Variants in RPS6KA1 observed in about 807,000 individuals in gnomAD.
RPS6KA1 encodes the protein ribosomal protein S6 kinase A1.
In RPS6KA1, 48 loss-of-function variants were observed where a neutral mutation model predicts 91.3. The observed-to-expected ratio is 0.53, with a 90% CI of 0.42 to 0.67. The LOEUF is 0.67. RPS6KA1 is among the 30% of genes least tolerant of loss of function. RPS6KA1 has a pLI of 0.00. For missense variants in RPS6KA1, 719 were observed against 960.5 expected (o/e 0.75, Z 3.32); for synonymous variants, 359 against 384.7 (o/e 0.93, Z 0.78).
rs748222132 is a variant in RPS6KA1, at chr1:26,547,206, A to G, written c.243A>G (p.Lys81=). ...CTTCTCAGGTCTTCCTGGTGCGGAAAGTCACCCGGCCTGACAGTGGGCACC... is the reference window on the plus strand; with the variant it reads ...CTTCTCAGGTCTTCCTGGTGCGGAAGGTCACCCGGCCTGACAGTGGGCACC... ...GSFGKVFLVR[K]VTRPDSGHLY... Residue 81 remains lysine (K), a synonymous_variant, in exon 4 of 22, where the codon AAA becomes AAG. Coordinates refer to ENST00000374168, the MANE Select transcript of RPS6KA1 (RefSeq NM_002953.4). The surrounding 1 kb of genome is among the most constrained non-coding windows in gnomAD (Gnocchi z 4.1). 2 of 1,614,052 alleles carry G rather than the reference A, an allele frequency of 1.2e-6. No homozygotes were observed. The highest frequency in any genetic ancestry group is 2.2e-5 in the South Asian group (2 of 91,084).
chr1:26,534,145 G>A (rs990660796), intron 1 of RPS6KA1, among the ~76,000 whole-genome samples: 2 of 152,180 alleles, frequency 1.3e-5, no homozygotes, highest in Admixed American at 6.5e-5. Flanking sequence ...CGTGACTTTG[G>A]GTTATGGTCA....
chr1:26,571,599 G>A lies in RPS6KA1; in HGVS notation c.1741G>A (p.Val581Met), dbSNP rs1241510409. 2 of 1,613,956 alleles carry A rather than the reference G, an allele frequency of 1.2e-6. No individual in the cohort carries two copies. The highest frequency in any genetic ancestry group is 1.7e-6 in the Non-Finnish European group (2 of 1,180,014). ...GACACCTTGCTACACAGCCAACTTT[G>A]TGGCGCCTGAGGTGAGTGGCCCAGC... ...LMTPCYTANFVAPEVLKRQGY... is the reference protein window; with the variant it reads ...LMTPCYTANFMAPEVLKRQGY... Residue 581 changes from valine (V) to methionine (M), a missense_variant, in exon 18 of 22, where the codon GTG (valine) becomes ATG (methionine). By Grantham distance (21) the Val-to-Met change is conservative (BLOSUM62 1). Around this residue, in one of 5 missense-constraint regions of RPS6KA1, gnomAD observed 249 missense variants for 323.1 expected, o/e 0.77. Coordinates refer to ENST00000374168, the MANE Select transcript of RPS6KA1 (RefSeq NM_002953.4). This position sits in a 1 kb window ranked among gnomAD's most constrained non-coding sequence, Gnocchi z 5.1.
chr1:26,537,000 GGGCTGTGGGGGATCCTGTTTGCAT>G, intron 2 of RPS6KA1, 31 bp downstream of exon 2: 4 of 1,612,574 alleles, frequency 2.5e-6, no homozygotes, highest in Non-Finnish European at 3.4e-6. Flanking sequence ...CCTGAGCGAG[GGGCTGTGGGGGATCCTGTTTGCAT>G]GGCTTTGGAG....
rs2075855453 is a variant in RPS6KA1 at position 26,529,934 on chromosome 1, A to C, written c.14A>C (p.Gln5Pro). 7.0e-7 allele frequency: 1 copy of C among 1,431,546 alleles called. No homozygotes were observed. Among genetic ancestry groups the C allele is most frequent in the South Asian group, 1.3e-5 (1 of 75,726 alleles). 88.7% of individuals were successfully genotyped at this position (1,431,546 alleles called of 1,614,324 possible). MPLAQLKEPWPLMEL... is the reference protein window; with the variant it reads MPLAPLKEPWPLMEL... ...GGCGGCGGCGAGATGCCGCTCGCCC[A>C]GCTCAAGGAGCCCTGGCCGCTCATG... Residue 5 changes from glutamine (Q) to proline (P), a missense_variant, in exon 1 of 22, where the codon CAG becomes CCG. Physicochemically the swap from Gln to Pro is moderately conservative, Grantham distance 76. This residue lies in a region of RPS6KA1 where 57 missense variants were observed against 55.8 expected (regional missense o/e 1.02). Coordinates refer to ENST00000374168, the MANE Select transcript of RPS6KA1 (RefSeq NM_002953.4). This position sits in a 1 kb window ranked among gnomAD's most constrained non-coding sequence, Gnocchi z 4.2.
At chr1:26,563,378 C>G (rs895789708) in intron 17 of RPS6KA1, among the ~76,000 whole-genome samples, 1 of 151,926 alleles carries the variant, frequency 6.6e-6, no homozygotes, top group Non-Finnish European at 1.5e-5. Flanking sequence ...CAGGCACGCA[C>G]CACCACACCT....
In RPS6KA1 at chr1:26,551,761, A is replaced by T. The variant is rs533133352; in HGVS notation, c.468+38A>T. ...CTACTGCCAGAGGGCCCCGGGATGG[A>T]GCTGAGGGACGACAAGTCCTCCCAT... On this transcript the variant is annotated intron_variant, in intron 6 of 21. Coordinates refer to ENST00000374168, the MANE Select transcript of RPS6KA1 (RefSeq NM_002953.4). The surrounding 1 kb of genome is among the most constrained non-coding windows in gnomAD (Gnocchi z 4.5). The T allele has an allele frequency of 3.1e-4, 485 of 1,561,586 alleles. 8 individuals are homozygous for T. The South Asian group carries it at 5.0e-3, about 16-fold the overall frequency.
chr1:26,548,102 T>A (rs2076011679), intron 4 of RPS6KA1, among the ~76,000 whole-genome samples: 3 of 152,006 alleles, frequency 2.0e-5, no homozygotes, highest in African/African-American at 4.8e-5. Flanking sequence ...GTAGGAGGCG[T>A]CAGCCTTAAG....
chr1:26,530,768 G>A, intron 1 of RPS6KA1: 1 of 1,287,874 alleles, frequency 7.8e-7, no homozygotes, highest in South Asian at 1.2e-5. Flanking sequence ...CCTCCCTTGA[G>A]GGCTCTGTGG....
intron 17 of RPS6KA1, among the ~76,000 whole-genome samples, chr1:26,570,585 C>G (rs1474616105): frequency 1.3e-5 from 2 of 152,138 alleles, no homozygotes; most frequent in African/African-American, 4.8e-5. Context: ...AAACAGGGCC[C>G]AGAGGAAAGC....
At chr1:26,560,955 T>A in intron 15 of RPS6KA1, 90 bp from the exon 16 acceptor site, 2 of 1,601,516 alleles carry the variant, frequency 1.2e-6, no homozygotes, top group Non-Finnish European at 1.7e-6. Context: ...ATGAAAGGTG[T>A]GTGGCCGAGA....
rs370896469 is a variant in RPS6KA1, at chr1:26,554,265, G to A, written c.613+14G>A. On this transcript the variant is annotated intron_variant, in intron 8 of 21. Transcript: ENST00000374168. This position sits in a 1 kb window ranked among gnomAD's most constrained non-coding sequence, Gnocchi z 4.6. ...TCAAACTCACTGGTGAGTGGAGGGCGCCTGCCCCCTCGGGACCCAGGGGAG... is the reference window on the plus strand; with the variant it reads ...TCAAACTCACTGGTGAGTGGAGGGCACCTGCCCCCTCGGGACCCAGGGGAG... 5.1e-6 allele frequency: 8 copies of A among 1,556,374 alleles called. No individual in the cohort carries two copies. Among genetic ancestry groups the A allele is most frequent in the Admixed American group, 3.9e-5 (2 of 51,344 alleles).
chr1:26,547,327 G>T lies in RPS6KA1; in HGVS notation c.307+57G>T. On this transcript the variant is annotated intron_variant, in intron 4 of 21. Coordinates refer to ENST00000374168, the MANE Select transcript of RPS6KA1 (RefSeq NM_002953.4). The surrounding 1 kb of genome is among the most constrained non-coding windows in gnomAD (Gnocchi z 4.1). ...AGGCTTGGCTGAGGGAGGCAGCCCA[G>T]ACTTCAAGGGCCTTGGGTCTGGCAA... 6.9e-7 allele frequency: 1 copy of T among 1,446,576 alleles called. No homozygotes were observed. Among genetic ancestry groups the T allele is most frequent in the South Asian group, 1.2e-5 (1 of 85,014 alleles). The allele number at this position is 1,446,576 out of a possible 1,614,324, so 89.6% of individuals were successfully genotyped here. A position where few individuals can be genotyped will look rare whatever the true frequency, so the allele number is the denominator to read the frequency against.
rs1570420035 is a variant in RPS6KA1 at position 26,536,784 on chromosome 1, G to A, written c.64-141G>A. On this transcript the variant is annotated intron_variant, in intron 1 of 21. Coordinates refer to ENST00000374168, the MANE Select transcript of RPS6KA1 (RefSeq NM_002953.4). ...CTACACCATGAAAGTGGAGGTGGAG[G>A]GACCCACCCAGGACTCCTGCCCTAC... 6.0e-6 allele frequency: 5 copies of A among 840,006 alleles called. No homozygotes were observed. The East Asian group carries it at 1.2e-4, about 21-fold the overall frequency. The allele number at this position is 840,006 out of a possible 1,614,324, so 52.0% of individuals were successfully genotyped here.
chr1:26,529,900 G>T lies in RPS6KA1; in HGVS notation c.-21G>T. ...GCAGCCGGGGCCGCCGGAGGAGCGC[G>T]GGTGACCTGGCGGCGGCGAGATGCC... On this transcript the variant is annotated 5_prime_UTR_variant, in exon 1 of 22. Transcript: ENST00000374168. This position sits in a 1 kb window ranked among gnomAD's most constrained non-coding sequence, Gnocchi z 4.2. 4 of 1,420,166 alleles carry T rather than the reference G, an allele frequency of 2.8e-6. No individual in the cohort carries two copies. The South Asian group carries it at 4.0e-5, about 14-fold the overall frequency. 88.0% of individuals were successfully genotyped at this position (1,420,166 alleles called of 1,614,324 possible).
chr1:26,571,697 C>A lies in RPS6KA1; in HGVS notation c.1752+87C>A. ...CCCAGAGGCCCCACATTAGCCGGGA[C>A]TCCAGTCTCTGTGACCTTGGCCCAG... On this transcript the variant is annotated intron_variant, in intron 18 of 21. Transcript: ENST00000374168. This position sits in a 1 kb window ranked among gnomAD's most constrained non-coding sequence, Gnocchi z 5.1. 6.6e-7 allele frequency: 1 copy of A among 1,525,956 alleles called. No homozygotes were observed. The highest frequency in any genetic ancestry group is 8.9e-7 in the Non-Finnish European group (1 of 1,124,908). The allele number at this position is 1,525,956 out of a possible 1,614,324, so 94.5% of individuals were successfully genotyped here. A position where few individuals can be genotyped will look rare whatever the true frequency, so the allele number is the denominator to read the frequency against.
Position 26,554,324 on chromosome 1 carries a change from T to A in RPS6KA1, c.613+73T>A. 1 of 1,439,506 alleles carries A rather than the reference T, an allele frequency of 6.9e-7. No homozygotes were observed. The highest frequency in any genetic ancestry group is 9.5e-7 in the Non-Finnish European group (1 of 1,056,716). The allele number at this position is 1,439,506 out of a possible 1,614,324, so 89.2% of individuals were successfully genotyped here. On this transcript the variant is annotated intron_variant, in intron 8 of 21. Coordinates refer to ENST00000374168, the MANE Select transcript of RPS6KA1 (RefSeq NM_002953.4). This position sits in a 1 kb window ranked among gnomAD's most constrained non-coding sequence, Gnocchi z 4.6. ...AAGGTCATGATAGGTCTCGGCTGAGTGCTGGGGGCTCATTCTTCCCGAGAA... is the reference window on the plus strand; with the variant it reads ...AAGGTCATGATAGGTCTCGGCTGAGAGCTGGGGGCTCATTCTTCCCGAGAA...
chr1:26,553,770 T>C (rs550253107), intron 7 of RPS6KA1: 2 of 269,664 alleles, frequency 7.4e-6, no homozygotes, highest in Non-Finnish European at 1.4e-5. Context: ...TAGAGGTCTT[T>C]CCTTGATAAA....
chr1:26,545,726 A>C, intron 2 of RPS6KA1: 5 of 839,898 alleles, frequency 6.0e-6, no homozygotes, highest in Non-Finnish European at 8.5e-6. Context: ...GAGGAAGGGA[A>C]CGTGGTGAGG....
rs376032218 is a variant in RPS6KA1 at position 26,551,473 on chromosome 1, C to T, written c.384C>T (p.His128=). The T allele has an allele frequency of 1.9e-6, 3 of 1,613,996 alleles. No individual in the cohort carries two copies. The highest frequency in any genetic ancestry group is 2.7e-5 in the African/African-American group (2 of 74,922). ...ATCACCCATTCGTGGTGAAGCTGCA[C>T]TATGGTAAAGCTTCTGGCCCTGCCT... The part of the protein sequence containing the change: ...DVNHPFVVKL[H]YAFQTEGKLY... Residue 128 remains histidine (H), a synonymous_variant, in exon 5 of 22, where the codon CAC becomes CAT. Transcript: ENST00000374168. This position sits in a 1 kb window ranked among gnomAD's most constrained non-coding sequence, Gnocchi z 4.5.
Sources: allele counts gnomAD v4.1 joint callset (sites outside exome capture counted in the v4.1 genomes callset), GRCh38; gene constraint gnomAD v4.1.1; regional missense constraint gnomAD v4.1.1; non-coding constraint Gnocchi (gnomAD v3.1); transcripts MANE v1.5; gene names NCBI Gene and HGNC (gene_info 2026-07-23, HGNC 2026-07-21).